The following MEGF10 variants were observed in gnomAD, a reference collection of about 807,000 sequenced individuals.
The protein encoded by MEGF10 is multiple EGF like domains 10, also known as multiple epidermal growth factor-like domains protein 10.
MEGF10 carries 86 observed loss-of-function variants against 147.5 expected under a neutral mutation model. The observed-to-expected ratio is 0.58, with a 90% CI of 0.49 to 0.70. The LOEUF is 0.70. Among genes scored for constraint, MEGF10 ranks in the 30% least tolerant of loss-of-function variants. The pLI is 0.00. For synonymous variants in MEGF10, 478 were observed against 525.5 expected, an observed-to-expected ratio of 0.91 and a Z score of 1.24; for missense variants, 1,329 against 1,487.3, an observed-to-expected ratio of 0.89 and a Z score of 1.75.
chr5:127,434,182 G>A (rs10078629), intron 14 of MEGF10, among the ~76,000 whole-genome samples: 13,506 of 152,082 alleles, frequency 0.089, 782 homozygotes, highest in Non-Finnish European at 0.13. Context: ...TAAGTATATA[G>A]CATTTTGGTT....
the MEGF10 span, among the ~76,000 whole-genome samples, chr5:127,263,030 C>T: frequency 6.6e-6 from 1 of 152,078 alleles, no homozygotes; most frequent in African/African-American, 2.4e-5. Flanking sequence ...CAAAAAAGTC[C>T]TACTTCTCTA....
At chr5:127,352,912 C>T (rs1055203466) in intron 4 of MEGF10, among the ~76,000 whole-genome samples, 11 of 152,128 alleles carry the variant, frequency 7.2e-5, no homozygotes, top group Non-Finnish European at 1.2e-4. Flanking sequence ...CATGGATGTG[C>T]CCAGCAGCAG....
the MEGF10 span, among the ~76,000 whole-genome samples, chr5:127,267,660 T>C: frequency 6.6e-6 from 1 of 152,206 alleles, no homozygotes; most frequent in Non-Finnish European, 1.5e-5. Flanking sequence ...GGAGGGTGTA[T>C]GTGTCCAGGA....
At chr5:127,269,363 A>C in the MEGF10 span, among the ~76,000 whole-genome samples, 230 of 152,332 alleles carry the variant, frequency 1.5e-3, 1 homozygote, top group African/African-American at 5.3e-3. Context: ...TGAATGGCTA[A>C]CTAGAATAAC....
intron 13 of MEGF10, among the ~76,000 whole-genome samples, chr5:127,432,357 T>A (rs1370417267): frequency 6.6e-6 from 1 of 152,212 alleles, no homozygotes; most frequent in East Asian, 1.9e-4. Context: ...AAGCCAAAAC[T>A]GTAACACAAG....
chr5:127,321,064 G>C (rs1431808493), intron 1 of MEGF10, among the ~76,000 whole-genome samples: 1 of 152,190 alleles, frequency 6.6e-6, no homozygotes, highest in Non-Finnish European at 1.5e-5. Context: ...CACAGGTGAA[G>C]TGTTATTTTA....
intron 19 of MEGF10, 88 bp downstream of exon 19, chr5:127,443,214 C>T: frequency 3.0e-6 from 4 of 1,339,296 alleles, no homozygotes; most frequent in Non-Finnish European, 3.9e-6. Context: ...CTTATGTTAT[C>T]CAGCAGAATC....
intron 5 of MEGF10, among the ~76,000 whole-genome samples, chr5:127,380,642 C>T (rs1314769073): frequency 6.6e-6 from 1 of 152,010 alleles, no homozygotes; most frequent in Non-Finnish European, 1.5e-5. Context: ...CTCAGCCTCT[C>T]AAGTAGCTGG....
intron 4 of MEGF10, among the ~76,000 whole-genome samples, chr5:127,345,894 T>A (rs557702654): frequency 6.6e-6 from 1 of 152,298 alleles, no homozygotes; most frequent in South Asian, 2.1e-4. Context: ...ATCATTCGTA[T>A]GCCTTTGCAT....
At position 127,420,180 on chromosome 5, in the gene MEGF10, C is replaced by T. The variant is rs372040705; in HGVS notation, c.1563C>T (p.Arg521=). The T allele has an allele frequency of 1.1e-5, 18 of 1,613,970 alleles. No individual in the cohort carries two copies. In the South Asian group the frequency reaches 1.4e-4, roughly 13 times the overall value. ...DGTCTCAPGW[R]GEKCELPCQD... Reference sequence around the variant, plus strand: ...CCTGCACGTGTGCACCTGGATGGCGCGGGGAGAAATGCGAACTTCCCTGCC... The same window carrying T: ...CCTGCACGTGTGCACCTGGATGGCGTGGGGAGAAATGCGAACTTCCCTGCC... Residue 521 remains arginine (R), a synonymous_variant, in exon 12 of 25, where the codon CGC becomes CGT. Coordinates refer to ENST00000503335, the MANE Select transcript of MEGF10 (RefSeq NM_001256545.2).
intron 5 of MEGF10, among the ~76,000 whole-genome samples, chr5:127,395,511 C>T (rs750593503): frequency 6.7e-6 from 1 of 149,176 alleles, no homozygotes; most frequent in Non-Finnish European, 1.5e-5. Flanking sequence ...GATTACCTTC[C>T]AAACACAGAT....
intron 1 of MEGF10, among the ~76,000 whole-genome samples, chr5:127,327,014 T>A (rs546890059): frequency 6.6e-6 from 1 of 152,314 alleles, no homozygotes; most frequent in South Asian, 2.1e-4. Context: ...CTACTGCTTA[T>A]CATCAGAACT....
chr5:127,458,183 A>G lies in MEGF10; in HGVS notation c.*865A>G, dbSNP rs1392701754. On this transcript the variant is annotated 3_prime_UTR_variant, in exon 25 of 25. Coordinates refer to ENST00000503335, the MANE Select transcript of MEGF10 (RefSeq NM_001256545.2). ...ATTTTATTTTTGACAGACTGGATGG[A>G]ATGAGTGTGTAATGATTGATAAAGG... 6.6e-6 allele frequency: 1 copy of G among 152,196 alleles called. No homozygotes were observed. Among genetic ancestry groups the G allele is most frequent in the Non-Finnish European group, 1.5e-5 (1 of 68,028 alleles). The allele number at this position is 152,196 out of a possible 1,614,324, so 9.4% of individuals were successfully genotyped here. A position where few individuals can be genotyped will look rare whatever the true frequency, so the allele number is the denominator to read the frequency against.
intron 22 of MEGF10, among the ~76,000 whole-genome samples, chr5:127,452,695 G>T (rs2127039859): frequency 6.6e-6 from 1 of 152,244 alleles, no homozygotes; most frequent in Admixed American, 6.5e-5. Flanking sequence ...TAAATCACTT[G>T]GTTACACTAT....
the MEGF10 span, among the ~76,000 whole-genome samples, chr5:127,246,552 A>G: frequency 2.4e-4 from 36 of 151,866 alleles, no homozygotes; most frequent in African/African-American, 7.0e-4. Flanking sequence ...ATGTATACCT[A>G]TGTAACAAAC....
the MEGF10 span, among the ~76,000 whole-genome samples, chr5:127,275,774 T>C: frequency 4.6e-5 from 7 of 152,172 alleles, no homozygotes; most frequent in African/African-American, 1.2e-4. Flanking sequence ...CTTTCCTACA[T>C]ATTTGAATGT....
At chr5:127,451,188 G>C (rs901907224) in intron 22 of MEGF10, among the ~76,000 whole-genome samples, 5 of 152,204 alleles carry the variant, frequency 3.3e-5, no homozygotes, top group Admixed American at 1.3e-4. Context: ...AAGGGGTAAA[G>C]CCAGATTTCA....
chr5:127,397,968 GA>G (rs1266255996), intron 6 of MEGF10, among the ~76,000 whole-genome samples: 1 of 147,236 alleles, frequency 6.8e-6, no homozygotes, highest in Non-Finnish European at 1.5e-5. Context: ...CACAGGAACA[GA>G]AAACCAAACA....
the MEGF10 span, among the ~76,000 whole-genome samples, chr5:127,266,958 G>C: frequency 6.6e-6 from 1 of 152,148 alleles, no homozygotes; most frequent in Non-Finnish European, 1.5e-5. Context: ...CCAACACTAT[G>C]TTGAATAGGA....
Sources: allele counts gnomAD v4.1 joint callset (sites outside exome capture counted in the v4.1 genomes callset), GRCh38; gene constraint gnomAD v4.1.1; transcripts MANE v1.5; gene names NCBI Gene and HGNC (gene_info 2026-07-23, HGNC 2026-07-21).